ASIC2: variants seen among roughly 807,000 people sequenced by gnomAD.
ASIC2 encodes acid-sensing ion channel 2.
ASIC2 carries 25 observed loss-of-function variants against 57.3 expected under a neutral mutation model. That is an observed-to-expected ratio of 0.44 (90% CI 0.32 to 0.61). The LOEUF (loss-of-function observed/expected upper bound fraction) is 0.61. ASIC2 is among the 20% of genes least tolerant of loss of function. The pLI is 0.06. For synonymous variants in ASIC2, 319 were observed against 307.5 expected (o/e 1.04, Z -0.39); for missense variants, 641 against 738.1 (o/e 0.87, Z 1.52).
chr17:33,509,577 C>T (rs564832251), intron 1 of ASIC2, among the ~76,000 whole-genome samples: 4 of 152,086 alleles, frequency 2.6e-5, no homozygotes, highest in Non-Finnish European at 4.4e-5. Flanking sequence ...AACTGGCTGG[C>T]GGGGCTGCGT....
At chr17:33,630,889 A>G (rs1906144334) in intron 1 of ASIC2, among the ~76,000 whole-genome samples, 1 of 152,240 alleles carries the variant, frequency 6.6e-6, no homozygotes, top group African/African-American at 2.4e-5. Flanking sequence ...AGTAGGTGCT[A>G]TACACAAAAG....
chr17:33,854,990 A>C (rs930446510), intron 1 of ASIC2, among the ~76,000 whole-genome samples: 1 of 152,226 alleles, frequency 6.6e-6, no homozygotes, highest in Non-Finnish European at 1.5e-5. Flanking sequence ...CTAGGGGCCA[A>C]CTGAGTTAGA....
intron 1 of ASIC2, among the ~76,000 whole-genome samples, chr17:33,635,440 C>T (rs1315466108): frequency 6.6e-6 from 1 of 152,208 alleles, no homozygotes; most frequent in East Asian, 1.9e-4. Flanking sequence ...GGTCATTGTA[C>T]TCTTAGGTTG....
intron 3 of ASIC2, chr17:33,052,471 C>G (rs141984248): frequency 1.3e-5 from 2 of 152,248 alleles, no homozygotes; most frequent in Non-Finnish European, 2.9e-5. Flanking sequence ...TGTCTCCTGT[C>G]GATGCGAGAG....
chr17:33,123,699 C>T (rs1414900934), intron 1 of ASIC2, among the ~76,000 whole-genome samples: 2 of 152,186 alleles, frequency 1.3e-5, no homozygotes, highest in African/African-American at 2.4e-5. Context: ...GCTTTCCCCG[C>T]GCCTTCCCAG....
rs2091789236 is a variant in ASIC2 at position 33,013,462 on chromosome 17, T to TC, written c.*502_*503insG. On this transcript the variant is annotated 3_prime_UTR_variant, in exon 10 of 10. Transcript: ENST00000225823. The stretch of plus-strand genomic sequence containing the variant: ...GGGGAAAAGGGGGTTTTTGGGCAGG[T>TC]TAAGAACTTTCACAAACGACACAAG... The TC allele has an allele frequency of 6.4e-6, 1 of 155,196 alleles. No individual in the cohort carries two copies. Among genetic ancestry groups the TC allele is most frequent in the Non-Finnish European group, 1.4e-5 (1 of 69,432 alleles). The allele number at this position is 155,196 out of a possible 1,614,324, so 9.6% of individuals were successfully genotyped here. A position where few individuals can be genotyped will look rare whatever the true frequency, so the allele number is the denominator to read the frequency against.
intron 1 of ASIC2, among the ~76,000 whole-genome samples, chr17:33,999,185 C>G (rs573046109): frequency 6.6e-6 from 1 of 152,252 alleles, no homozygotes; most frequent in South Asian, 2.1e-4. Context: ...GCTACTCCTG[C>G]TTTTCTTTGG....
At chr17:33,802,402 G>A (rs1424007159) in intron 1 of ASIC2, among the ~76,000 whole-genome samples, 1 of 152,208 alleles carries the variant, frequency 6.6e-6, no homozygotes, top group Non-Finnish European at 1.5e-5. Flanking sequence ...ACGTATTTCT[G>A]TTGTTAAGCG....
intron 1 of ASIC2, among the ~76,000 whole-genome samples, chr17:33,699,671 G>A (rs11870794): frequency 0.033 from 5,043 of 152,138 alleles, 252 homozygotes; most frequent in African/African-American, 0.11. Flanking sequence ...GGAAACCATG[G>A]TCTACACCAC....
rs531947533 is a variant in ASIC2, at chr17:33,495,130, A to G, written c.556-383063T>C. Among the ~76,000 whole-genome samples the G allele has an allele frequency of 3.2e-3, 495 of 152,348 alleles. 3 individuals are homozygous for G. Among genetic ancestry groups the G allele is most frequent in the Non-Finnish European group, 4.2e-3 (283 of 68,030 alleles). On this transcript the variant is annotated intron_variant, in intron 1 of 9. Coordinates refer to the ASIC2 transcript ENST00000359872. ...TCCAGGGTGCAAAATTTAGGGAGGC[A>G]TCTGCTATCAGGATTGTCCAAATGC...
At chr17:33,188,831 T>C (rs1202868342) in intron 1 of ASIC2, among the ~76,000 whole-genome samples, 1 of 152,040 alleles carries the variant, frequency 6.6e-6, no homozygotes. Context: ...TAAAATAAAA[T>C]GATACCAGAT....
intron 1 of ASIC2, among the ~76,000 whole-genome samples, chr17:33,748,319 C>G (rs545923583): frequency 1.3e-5 from 2 of 152,318 alleles, no homozygotes; most frequent in African/African-American, 4.8e-5. Flanking sequence ...ATCTTGAACC[C>G]CAAACTCTGG....
chr17:33,939,643 A>T (rs955929910), intron 1 of ASIC2, among the ~76,000 whole-genome samples: 10 of 152,342 alleles, frequency 6.6e-5, no homozygotes, highest in African/African-American at 1.9e-4. Flanking sequence ...TCAATTCCAC[A>T]GAGCTGGTGT....
At chr17:33,455,122 C>T (rs1912404170) in intron 1 of ASIC2, among the ~76,000 whole-genome samples, 1 of 152,214 alleles carries the variant, frequency 6.6e-6, no homozygotes, top group Non-Finnish European at 1.5e-5. Context: ...CCTAATGTGT[C>T]TTACAGGATA....
At chr17:33,850,074 G>A (rs140479789) in intron 1 of ASIC2, among the ~76,000 whole-genome samples, 45 of 152,314 alleles carry the variant, frequency 3.0e-4, no homozygotes, top group East Asian at 5.8e-4. Context: ...TTGCCTTATC[G>A]AAGATTAGAG....
At chr17:33,411,281 A>G (rs1305591854) in intron 1 of ASIC2, among the ~76,000 whole-genome samples, 3 of 152,124 alleles carry the variant, frequency 2.0e-5, no homozygotes, top group East Asian at 1.9e-4. Flanking sequence ...TTTGGATTAT[A>G]TGGTTGTTAC....
In ASIC2 at chr17:33,318,045, C is replaced by T. The variant is rs748163293; in HGVS notation, c.556-205978G>A. 3.9e-5 allele frequency among the ~76,000 whole-genome samples: 6 copies of T among 152,108 alleles called. No homozygotes were observed. In the East Asian group the frequency reaches 7.7e-4, roughly 20 times the overall value. ...CCGTCTTTAGGAAAGAGCTGACGGT[C>T]GCATTTGGGTAGAGTCTGACATTCA... On this transcript the variant is annotated intron_variant, in intron 1 of 9. Coordinates refer to the ASIC2 transcript ENST00000359872.
At chr17:33,660,644 T>G (rs536829051) in intron 1 of ASIC2, among the ~76,000 whole-genome samples, 4 of 152,222 alleles carry the variant, frequency 2.6e-5, no homozygotes, top group Admixed American at 6.5e-5. Context: ...TGTGCTGTGC[T>G]TTTACCTGAC....
intron 1 of ASIC2, among the ~76,000 whole-genome samples, chr17:33,926,119 G>A (rs2141968260): frequency 6.6e-6 from 1 of 152,246 alleles, no homozygotes; most frequent in African/African-American, 2.4e-5. Flanking sequence ...AGGTGGTTGA[G>A]TACCTGAAAG....
Sources: allele counts gnomAD v4.1 joint callset (sites outside exome capture counted in the v4.1 genomes callset), GRCh38; gene constraint gnomAD v4.1.1; transcripts MANE v1.5; gene names NCBI Gene and HGNC (gene_info 2026-07-23, HGNC 2026-07-21).